Variants in IGSF22 observed in about 807,000 individuals in gnomAD.
IGSF22 encodes immunoglobulin superfamily member 22.
IGSF22 carries 119 observed loss-of-function variants against 127.0 expected under a neutral mutation model. The ratio of observed to expected loss-of-function variants is 0.94; its 90% CI spans 0.81 to 1.09. The LOEUF (loss-of-function observed/expected upper bound fraction) is 1.09. IGSF22 is among the 50% of genes least tolerant of loss of function. The pLI, the probability that IGSF22 is intolerant of heterozygous loss-of-function variation, is 0.00. For missense variants in IGSF22, 1,518 were observed against 1,716.6 expected (o/e 0.88, Z 2.04); for synonymous variants, 568 against 664.7 (o/e 0.85, Z 2.24).
intron 9 of IGSF22, 54 bp downstream of exon 9, chr11:18,717,877 C>A: frequency 1.3e-6 from 2 of 1,584,214 alleles, no homozygotes; most frequent in East Asian, 2.2e-5. Flanking sequence ...CTGGCCATTC[C>A]TCTCTTCCAA....
At position 18,716,586 on chromosome 11, in the gene IGSF22, G is replaced by T; in HGVS notation, c.1246+142C>A. On this transcript the variant is annotated intron_variant, in intron 10 of 22. Coordinates refer to ENST00000513874, the MANE Select transcript of IGSF22 (RefSeq NM_173588.4). This position sits in a 1 kb window ranked among gnomAD's most constrained non-coding sequence, Gnocchi z 4.5. ...CTAGACTAGGGGTTAACAGAGAGGA[G>T]ATCCCCCTGTCTTTCCAGTACCTAC... 1 of 778,792 alleles carries T rather than the reference G, an allele frequency of 1.3e-6. No homozygotes were observed. Among genetic ancestry groups the T allele is most frequent in the Non-Finnish European group, 2.1e-6 (1 of 481,336 alleles). The allele number at this position is 778,792 out of a possible 1,614,324, so 48.2% of individuals were successfully genotyped here.
chr11:18,709,343 G>A lies in IGSF22; in HGVS notation c.2998+44C>T, dbSNP rs748830739. 6.3e-6 allele frequency: 10 copies of A among 1,577,542 alleles called. No homozygotes were observed. Among genetic ancestry groups the A allele is most frequent in the Non-Finnish European group, 8.7e-6 (10 of 1,153,876 alleles). The stretch of plus-strand genomic sequence containing the variant: ...AGGCCCCAGAGGAGAAGGTTTGGAG[G>A]TACAATGTTGGGCATGAATCCCCAG... On this transcript the variant is annotated intron_variant, in intron 18 of 22. Coordinates refer to ENST00000513874, the MANE Select transcript of IGSF22 (RefSeq NM_173588.4). This position sits in a 1 kb window ranked among gnomAD's most constrained non-coding sequence, Gnocchi z 4.8.
At position 18,715,509 on chromosome 11, in the gene IGSF22, C is replaced by T. The variant is rs1848446421; in HGVS notation, c.1454G>A (p.Gly485Asp). 1.9e-6 allele frequency: 3 copies of T among 1,613,836 alleles called. No individual in the cohort carries two copies. The highest frequency in any genetic ancestry group is 2.2e-5 in the East Asian group (1 of 44,884). Residue 485 changes from glycine to aspartate, a missense_variant, in exon 11 of 23, where the codon GGT (glycine) becomes GAT (aspartate). Transcript: ENST00000513874. ...CATGGCCACCACAGTGTACTCGCCA[C>T]CATCACTGAGCTGTGCATCCTCAAT... ...LIIEDAQLSD[G>D]GEYTVVAMQD...
At position 18,709,359 on chromosome 11, in the gene IGSF22, G is replaced by A. The variant is rs772320289; in HGVS notation, c.2998+28C>T. Reference sequence around the variant, plus strand: ...GGTTTGGAGGTACAATGTTGGGCATGAATCCCCAGCCCTCTCTGTGTCCTC... The same window carrying A: ...GGTTTGGAGGTACAATGTTGGGCATAAATCCCCAGCCCTCTCTGTGTCCTC... On this transcript the variant is annotated intron_variant, in intron 18 of 22. Transcript: ENST00000513874. The surrounding 1 kb of genome is among the most constrained non-coding windows in gnomAD (Gnocchi z 4.8). The A allele has an allele frequency of 3.1e-6, 5 of 1,603,968 alleles. No individual in the cohort carries two copies. The South Asian group carries it at 4.4e-5, about 14-fold the overall frequency.
rs746512826 is a variant in IGSF22 at position 18,708,277 on chromosome 11, A to C, written c.3017T>G (p.Leu1006Arg). 1.9e-5 allele frequency: 29 copies of C among 1,547,718 alleles called. No individual in the cohort carries two copies. Among genetic ancestry groups the C allele is most frequent in the Non-Finnish European group, 2.5e-5 (29 of 1,145,238 alleles). Reference protein sequence around the residue: ...MPPPAAPKFDLSARLKSHMVV... With the variant: ...MPPPAAPKFDRSARLKSHMVV... ...CATGTGACTCTTCAGCCGGGCACTGAGGTCAAACTTGGGTGCAGCTGAGAT... is the reference window on the plus strand; with the variant it reads ...CATGTGACTCTTCAGCCGGGCACTGCGGTCAAACTTGGGTGCAGCTGAGAT... Residue 1006 changes from leucine to arginine, a missense_variant, in exon 19 of 23, where the codon CTC becomes CGC. By Grantham distance (102) the Leu-to-Arg change is moderately radical. Around this residue, in one of 3 missense-constraint regions of IGSF22, gnomAD observed 1,456 missense variants for 1,644.9 expected, o/e 0.89. Transcript: ENST00000513874.
chr11:18,704,662 CAG>C, intron 22 of IGSF22, 124 bp from the exon 23 acceptor site: 3 of 682,074 alleles, frequency 4.4e-6, no homozygotes, highest in Non-Finnish European at 7.8e-6. Context: ...CTTGGGTTGG[CAG>C]AGTGTGAAGG....
At chr11:18,710,540 G>A (rs1848333404) in intron 16 of IGSF22, 85 bp from the exon 17 acceptor site, 1 of 1,590,820 alleles carries the variant, frequency 6.3e-7, no homozygotes, top group Non-Finnish European at 8.6e-7. Flanking sequence ...AGGAGGTCAT[G>A]GGATGTTGTT....
At chr11:18,707,647 T>C (rs774064245) in intron 20 of IGSF22, among the ~76,000 whole-genome samples, 157 bp downstream of exon 20, 19 of 152,206 alleles carry the variant, frequency 1.2e-4, no homozygotes, top group Non-Finnish European at 5.9e-5. Context: ...CTGCCGACCA[T>C]ACTCTGTATG....
chr11:18,724,212 T>C lies in IGSF22; in HGVS notation c.25A>G (p.Met9Val). The change falls in exon 2 of 23, where the codon ATG (methionine) becomes GTG (valine). Residue 9 changes from methionine (M) to valine (V), a missense_variant. Around this residue, in one of 3 missense-constraint regions of IGSF22, gnomAD observed 1,456 missense variants for 1,644.9 expected, o/e 0.89. Transcript: ENST00000513874. The part of the protein sequence containing the change: MTTIHSRQ[M>V]LQEHVSMEFS... ...TCCATGGACACGTGCTCCTGCAGCA[T>C]CTGCCGGCTGTGAATGGTTGTCATG... is the stretch of plus-strand genomic sequence containing the variant. 6.2e-7 allele frequency: 1 copy of C among 1,613,964 alleles called. No individual in the cohort carries two copies.
chr11:18,710,751 T>A lies in IGSF22; in HGVS notation c.2476A>T (p.Thr826Ser). 1 of 1,614,126 alleles carries A rather than the reference T, an allele frequency of 6.2e-7. No individual in the cohort carries two copies. The highest frequency in any genetic ancestry group is 8.5e-7 in the Non-Finnish European group (1 of 1,179,992). Residue 826 changes from threonine (T) to serine (S), a missense_variant, in exon 16 of 23, where the codon ACC (threonine) becomes TCC (serine). By Grantham distance (58) the Thr-to-Ser change is moderately conservative. Coordinates refer to ENST00000513874, the MANE Select transcript of IGSF22 (RefSeq NM_173588.4). ...EAVTITWNAP[T>S]QDGGAPVLGY... Reference sequence around the variant, plus strand: ...AGCACTGGGGCTCCCCCATCCTGGGTAGGGGCATTCCACGTGATGGTCACG... The same window carrying A: ...AGCACTGGGGCTCCCCCATCCTGGGAAGGGGCATTCCACGTGATGGTCACG...
In IGSF22 at chr11:18,713,869, A is replaced by G. The variant is rs1326287127; in HGVS notation, c.2078T>C (p.Leu693Pro). The change falls in exon 14 of 23, where the codon CTG becomes CCG. Residue 693 changes from leucine (L) to proline (P), a missense_variant. This residue lies in a region of IGSF22 where 1,456 missense variants were observed against 1,644.9 expected (regional missense o/e 0.89). Coordinates refer to ENST00000513874, the MANE Select transcript of IGSF22 (RefSeq NM_173588.4). ...KNDHGSATAT[L>P]HLSVLDRPKP... ...GCCCTGACCCAGCACACTAAGGTGC[A>G]GAGTGGCCGTGGCTGAGCCGTGGTC... The G allele has an allele frequency of 3.7e-6, 6 of 1,613,660 alleles. No homozygotes were observed. Among genetic ancestry groups the G allele is most frequent in the Non-Finnish European group, 1.7e-6 (2 of 1,179,818 alleles).
intron 21 of IGSF22, chr11:18,706,612 G>A: frequency 2.6e-6 from 1 of 381,016 alleles, no homozygotes; most frequent in Admixed American, 4.3e-5. Flanking sequence ...GCCCTCCCCT[G>A]TTCTCAGCCC....
chr11:18,710,747 T>G lies in IGSF22; in HGVS notation c.2480A>C (p.Gln827Pro). ...AVTITWNAPT[Q>P]DGGAPVLGYI... ...GCCGAGCACTGGGGCTCCCCCATCC[T>G]GGGTAGGGGCATTCCACGTGATGGT... The change falls in exon 16 of 23, where the codon CAG becomes CCG. Residue 827 changes from glutamine (Q) to proline (P), a missense_variant. Around this residue, in one of 3 missense-constraint regions of IGSF22, gnomAD observed 1,456 missense variants for 1,644.9 expected, o/e 0.89. Coordinates refer to ENST00000513874, the MANE Select transcript of IGSF22 (RefSeq NM_173588.4). The G allele has an allele frequency of 6.2e-7, 1 of 1,614,166 alleles. No homozygotes were observed. The highest frequency in any genetic ancestry group is 1.1e-5 in the South Asian group (1 of 91,080).
chr11:18,705,598 G>A (rs1848208611), intron 22 of IGSF22: 1 of 580,208 alleles, frequency 1.7e-6, no homozygotes, highest in African/African-American at 1.9e-5. Context: ...ATCTTATCTA[G>A]GGATTGAGAA....
At position 18,712,194 on chromosome 11, in the gene IGSF22, G is replaced by A; in HGVS notation, c.2286C>T (p.Ser762=). The A allele has an allele frequency of 6.4e-7, 1 of 1,551,734 alleles. No individual in the cohort carries two copies. Among genetic ancestry groups the A allele is most frequent in the South Asian group, 1.2e-5 (1 of 84,062 alleles). Residue 762 remains serine, a synonymous_variant, in exon 15 of 23, where the codon TCC becomes TCT. Coordinates refer to ENST00000513874, the MANE Select transcript of IGSF22 (RefSeq NM_173588.4). ...GEVDGKVTNF[S]TNKVEEGKAY... ...CTTTTCCCTCTTCCACCTTGTTGGT[G>A]GAGAAGTTGGTGACTTTGCCGTCCA...
intron 2 of IGSF22, among the ~76,000 whole-genome samples, chr11:18,722,593 T>C (rs1346135073): frequency 1.4e-5 from 2 of 147,236 alleles, no homozygotes; most frequent in African/African-American, 5.1e-5. Context: ...ACATCTTCAA[T>C]GTGGAAATAT....
Position 18,719,847 on chromosome 11 carries a change from T to C in IGSF22, c.565A>G (p.Lys189Glu). The change falls in exon 7 of 23, where the codon AAA becomes GAA. Residue 189 changes from lysine (K) to glutamate (E), a missense_variant. Lys to Glu is a moderately conservative substitution (Grantham distance 56, BLOSUM62 1). Coordinates refer to ENST00000513874, the MANE Select transcript of IGSF22 (RefSeq NM_173588.4). The stretch of plus-strand genomic sequence containing the variant: ...TTGGACAAAATCTCCAGCATCTCTT[T>C]CTCATTTGCCACCTTCTTCTGCTTC... ...KKKQKKVANE[K>E]EMLEILSKVP... 1 of 1,614,184 alleles carries C rather than the reference T, an allele frequency of 6.2e-7. No homozygotes were observed. Among genetic ancestry groups the C allele is most frequent in the Non-Finnish European group, 8.5e-7 (1 of 1,180,028 alleles).
intron 14 of IGSF22, 26 bp downstream of exon 14, chr11:18,713,826 C>A (rs1469198932): frequency 6.4e-7 from 1 of 1,571,906 alleles, no homozygotes; most frequent in Admixed American, 1.8e-5. Flanking sequence ...TCAGCTCAGC[C>A]CAGCCCGGAC....
rs892720684 is a variant in IGSF22 at position 18,709,071 on chromosome 11, A to G, written c.2998+316T>C. 1.3e-5 allele frequency among the ~76,000 whole-genome samples: 2 copies of G among 152,190 alleles called. No homozygotes were observed. Among genetic ancestry groups the G allele is most frequent in the Admixed American group, 6.5e-5 (1 of 15,280 alleles). On this transcript the variant is annotated intron_variant, in intron 18 of 22. Transcript: ENST00000513874. The surrounding 1 kb of genome is among the most constrained non-coding windows in gnomAD (Gnocchi z 4.8). ...GTAATAACTCTGTCTCCCATACAGC[A>G]TGGCTGGCCTTGTGTCCATTAAACT...
Sources: allele counts gnomAD v4.1 joint callset (sites outside exome capture counted in the v4.1 genomes callset), GRCh38; gene constraint gnomAD v4.1.1; regional missense constraint gnomAD v4.1.1; non-coding constraint Gnocchi (gnomAD v3.1); transcripts MANE v1.5; gene names NCBI Gene and HGNC (gene_info 2026-07-23, HGNC 2026-07-21).